Variants in NRG3 observed in about 807,000 individuals in gnomAD.
The protein encoded by NRG3 is neuregulin 3.
In NRG3, 31 loss-of-function variants were observed where a neutral mutation model predicts 66.9. The observed-to-expected ratio is 0.46, with a 90% confidence interval of 0.35 to 0.63. The LOEUF is 0.63. Among genes scored for constraint, NRG3 ranks in the 20% least tolerant of loss-of-function variants. NRG3 has a pLI of 0.00. For synonymous variants in NRG3, 393 were observed against 359.4 expected (o/e 1.09, Z -1.06); for missense variants, 910 against 878.9 (o/e 1.04, Z -0.45).
intron 1 of NRG3, among the ~76,000 whole-genome samples, chr10:82,146,727 C>G (rs939192692): frequency 1.3e-5 from 2 of 152,060 alleles, no homozygotes; most frequent in African/African-American, 4.8e-5. Flanking sequence ...AGGAGAGTAA[C>G]CCATTACCTG....
intron 2 of NRG3, among the ~76,000 whole-genome samples, chr10:82,635,207 T>G (rs944134031): frequency 5.9e-5 from 9 of 152,148 alleles, no homozygotes; most frequent in Admixed American, 5.9e-4. Context: ...CACCTTCGTT[T>G]GATCTTCTTT....
intron 1 of NRG3, among the ~76,000 whole-genome samples, chr10:82,185,263 G>T (rs1200613920): frequency 2.0e-5 from 3 of 152,166 alleles, no homozygotes; most frequent in African/African-American, 7.2e-5. Flanking sequence ...CTAGGAAGCT[G>T]CAAATGAAAA....
intron 3 of NRG3, among the ~76,000 whole-genome samples, chr10:82,796,686 A>C (rs1009624254): frequency 5.3e-5 from 8 of 152,176 alleles, no homozygotes; most frequent in African/African-American, 1.9e-4. Context: ...AAATGACAGG[A>C]GAGGGAGCCC....
intron 1 of NRG3, among the ~76,000 whole-genome samples, chr10:82,199,250 TAATC>T (rs1234998002): frequency 1.6e-4 from 25 of 152,084 alleles, no homozygotes; most frequent in Non-Finnish European, 3.2e-4. Context: ...TTTAATTCAT[TAATC>T]AATTTGTTCA....
intron 2 of NRG3, among the ~76,000 whole-genome samples, chr10:82,563,144 A>G (rs932083610): frequency 1.3e-5 from 2 of 152,124 alleles, no homozygotes; most frequent in Non-Finnish European, 1.5e-5. Flanking sequence ...GACAAATACC[A>G]TAGTCATTTT....
chr10:82,768,045 G>C (rs868366576), intron 3 of NRG3, among the ~76,000 whole-genome samples: 4 of 152,224 alleles, frequency 2.6e-5, no homozygotes, highest in South Asian at 2.1e-4. Flanking sequence ...CCAGATACCA[G>C]AATGTCACTG....
chr10:82,404,333 G>A (rs2087338257), intron 2 of NRG3, among the ~76,000 whole-genome samples: 1 of 152,108 alleles, frequency 6.6e-6, no homozygotes, highest in African/African-American at 2.4e-5. Flanking sequence ...TAAGAAGCCT[G>A]GGTAGGATGC....
intron 3 of NRG3, among the ~76,000 whole-genome samples, chr10:82,758,004 GA>G (rs1323682822): frequency 6.6e-6 from 1 of 152,020 alleles, no homozygotes; most frequent in Admixed American, 6.6e-5. Flanking sequence ...TACTATCAGT[GA>G]GGCCAACTTA....
At chr10:81,967,703 T>C (rs1014131109) in intron 1 of NRG3, among the ~76,000 whole-genome samples, 24 of 152,198 alleles carry the variant, frequency 1.6e-4, no homozygotes, top group Admixed American at 1.4e-3. Context: ...AATTTTTAGT[T>C]CCATAAAAGT....
chr10:81,940,738 G>C (rs912359547), intron 1 of NRG3, among the ~76,000 whole-genome samples: 2 of 151,954 alleles, frequency 1.3e-5, no homozygotes, highest in African/African-American at 4.8e-5. Context: ...TCCAATTCCA[G>C]GTATCGTGCA....
chr10:82,357,853 C>T (rs2083881981), intron 1 of NRG3, among the ~76,000 whole-genome samples: 1 of 152,138 alleles, frequency 6.6e-6, no homozygotes, highest in Non-Finnish European at 1.5e-5. Flanking sequence ...ATCTAAATCT[C>T]TGTAAAGGAA....
chr10:81,884,085 A>G (rs1842409411), intron 1 of NRG3, among the ~76,000 whole-genome samples: 1 of 152,218 alleles, frequency 6.6e-6, no homozygotes, highest in Non-Finnish European at 1.5e-5. Context: ...GGCTTAGGAT[A>G]TATAATTTGC....
intron 6 of NRG3, among the ~76,000 whole-genome samples, chr10:82,966,403 T>C (rs142501902): frequency 6.6e-6 from 1 of 152,202 alleles, no homozygotes; most frequent in Non-Finnish European, 1.5e-5. Flanking sequence ...TCTTTTCTTA[T>C]GATTACATGG....
intron 1 of NRG3, among the ~76,000 whole-genome samples, chr10:81,924,682 T>A (rs1351615572): frequency 6.6e-6 from 1 of 152,226 alleles, no homozygotes; most frequent in Admixed American, 6.5e-5. Flanking sequence ...ATCGTTCGAA[T>A]TAATTTCGTT....
At chr10:82,291,672 T>C (rs1394080442) in intron 1 of NRG3, among the ~76,000 whole-genome samples, 1 of 152,210 alleles carries the variant, frequency 6.6e-6, no homozygotes, top group Non-Finnish European at 1.5e-5. Flanking sequence ...GCCCACATGA[T>C]TTTTGACAAA....
intron 1 of NRG3, among the ~76,000 whole-genome samples, chr10:82,130,990 G>A (rs183630924): frequency 6.6e-6 from 1 of 152,084 alleles, no homozygotes; most frequent in Admixed American, 6.6e-5. Flanking sequence ...CATTCTGTAG[G>A]TTGTCAATTC....
intron 2 of NRG3, among the ~76,000 whole-genome samples, chr10:82,714,180 C>G (rs949997873): frequency 1.3e-4 from 20 of 152,128 alleles, no homozygotes; most frequent in Non-Finnish European, 2.4e-4. Flanking sequence ...TATGCTGTGA[C>G]TAAATCTACA....
At chr10:82,532,744 A>G (rs1233034945) in intron 2 of NRG3, among the ~76,000 whole-genome samples, 1 of 151,440 alleles carries the variant, frequency 6.6e-6, no homozygotes, top group Admixed American at 6.6e-5. Flanking sequence ...TAGAAGTGCT[A>G]CTATCTCTTC....
At chr10:82,805,948 A>C (rs1202962557) in intron 3 of NRG3, among the ~76,000 whole-genome samples, 1 of 152,152 alleles carries the variant, frequency 6.6e-6, no homozygotes, top group Non-Finnish European at 1.5e-5. Flanking sequence ...TTTATTTTCA[A>C]ATTTTTCTGT....
Sources: allele counts gnomAD v4.1 joint callset (sites outside exome capture counted in the v4.1 genomes callset), GRCh38; gene constraint gnomAD v4.1.1; transcripts MANE v1.5; gene names NCBI Gene and HGNC (gene_info 2026-07-23, HGNC 2026-07-21).